Variants in RIGI observed in about 807,000 individuals in gnomAD.
RIGI encodes the protein antiviral innate immune response receptor RIG-I.
At chr9:32,457,822 G>T in the RIGI span, among the ~76,000 whole-genome samples, 194 of 152,316 alleles carry the variant, frequency 1.3e-3, 1 homozygote, top group African/African-American at 4.5e-3. Context: ...CCAAGGTCAA[G>T]ATGCAATTGA....
At chr9:32,518,125 A>C in the RIGI span, among the ~76,000 whole-genome samples, 1 of 150,550 alleles carries the variant, frequency 6.6e-6, no homozygotes, top group African/African-American at 2.5e-5. Context: ...TCTATATATA[A>C]AATGTGCAAA....
At chr9:32,485,830 C>T in the RIGI span, among the ~76,000 whole-genome samples, 1 of 152,076 alleles carries the variant, frequency 6.6e-6, no homozygotes, top group Non-Finnish European at 1.5e-5. Context: ...TGATCCACCG[C>T]ACCCGGCCTA....
At chr9:32,489,246 G>A in the RIGI span, 1 of 768,522 alleles carries the variant, frequency 1.3e-6, no homozygotes, top group South Asian at 2.0e-5. Context: ...CATGGAACAA[G>A]GAAAAAACTG....
At chr9:32,523,286 G>A in the RIGI span, among the ~76,000 whole-genome samples, 3 of 152,128 alleles carry the variant, frequency 2.0e-5, no homozygotes, top group East Asian at 5.8e-4. Context: ...CACTCTCATT[G>A]TTTCAGCAAG....
chr9:32,456,900 A>G, the RIGI span: 4 of 492,502 alleles, frequency 8.1e-6, no homozygotes, highest in African/African-American at 7.7e-5. Context: ...AGGCTTTTTA[A>G]TTTTTCCCAA....
At chr9:32,485,595 C>G in the RIGI span, 5 of 404,254 alleles carry the variant, frequency 1.2e-5, no homozygotes, top group Admixed American at 6.7e-5. Context: ...GGCTGGAGTA[C>G]AGTGGCGCGA....
chr9:32,481,169 G>A, the RIGI span, among the ~76,000 whole-genome samples: 1 of 152,168 alleles, frequency 6.6e-6, no homozygotes, highest in Admixed American at 6.5e-5. Context: ...AGGAAATCGA[G>A]ATGATGTTGA....
the RIGI span, chr9:32,455,968 T>C: frequency 2.0e-5 from 3 of 152,220 alleles, no homozygotes; most frequent in African/African-American, 7.2e-5. Flanking sequence ...TAACACCTCA[T>C]CCCGTTGATC....
chr9:32,515,492 C>T, the RIGI span, among the ~76,000 whole-genome samples: 6 of 152,044 alleles, frequency 3.9e-5, no homozygotes, highest in Non-Finnish European at 5.9e-5. Flanking sequence ...TTTATCTTTG[C>T]TTCTGTCTTC....
the RIGI span, among the ~76,000 whole-genome samples, chr9:32,523,652 A>C: frequency 6.6e-6 from 1 of 151,992 alleles, no homozygotes; most frequent in Admixed American, 6.6e-5. Context: ...CTATTTTCCT[A>C]ACTGGTATCC....
the RIGI span, among the ~76,000 whole-genome samples, chr9:32,483,272 G>C: frequency 1.3e-5 from 2 of 152,158 alleles, no homozygotes; most frequent in East Asian, 3.9e-4. Context: ...GAACAAAGGA[G>C]GCTACCCAAA....
At chr9:32,499,613 G>A in the RIGI span, among the ~76,000 whole-genome samples, 4 of 151,776 alleles carry the variant, frequency 2.6e-5, no homozygotes, top group Admixed American at 6.6e-5. Context: ...CCACCACCAC[G>A]CCTGGCTAAT....
the RIGI span, among the ~76,000 whole-genome samples, chr9:32,509,745 A>G: frequency 2.0e-5 from 3 of 152,072 alleles, no homozygotes; most frequent in African/African-American, 7.2e-5. Flanking sequence ...AGTTTGACAA[A>G]TTGACAGAAG....
At chr9:32,478,333 C>A in the RIGI span, among the ~76,000 whole-genome samples, 1 of 152,298 alleles carries the variant, frequency 6.6e-6, no homozygotes, top group Admixed American at 6.5e-5. Flanking sequence ...GTGTGAGCCA[C>A]CATGCCTGGC....
the RIGI span, among the ~76,000 whole-genome samples, chr9:32,521,251 C>T: frequency 1.3e-5 from 2 of 149,884 alleles, no homozygotes; most frequent in East Asian, 3.9e-4. Context: ...AAAAATATAC[C>T]ATACAAAGGT....
the RIGI span, chr9:32,481,355 G>T: frequency 3.7e-6 from 6 of 1,612,512 alleles, no homozygotes; most frequent in Non-Finnish European, 4.2e-6. Flanking sequence ...AATGTGAAGT[G>T]TATAAAAACA....
chr9:32,514,724 T>G, the RIGI span, among the ~76,000 whole-genome samples: 1 of 152,166 alleles, frequency 6.6e-6, no homozygotes, highest in Non-Finnish European at 1.5e-5. Context: ...TAAAGTATAA[T>G]TTAAAAAAGA....
At chr9:32,466,380 T>C in the RIGI span, 4 of 1,613,952 alleles carry the variant, frequency 2.5e-6, no homozygotes, top group Non-Finnish European at 3.4e-6. Context: ...TTTGTTCTTT[T>C]TCAATTACAC....
chr9:32,481,199 T>A, the RIGI span: 10 of 760,810 alleles, frequency 1.3e-5, no homozygotes, highest in Non-Finnish European at 1.8e-5. Flanking sequence ...CTTTTGGAGT[T>A]TGCTTCATAA....
Sources: allele counts gnomAD v4.1 joint callset (sites outside exome capture counted in the v4.1 genomes callset), GRCh38; gene constraint gnomAD v4.1.1; transcripts MANE v1.5; gene names NCBI Gene and HGNC (gene_info 2026-07-23, HGNC 2026-07-21).